Variants in EGFLAM observed in about 807,000 individuals in gnomAD.
EGFLAM encodes pikachurin.
In EGFLAM, 79 loss-of-function variants were observed where a neutral mutation model predicts 113.1. The observed-to-expected ratio is 0.70, with a 90% CI of 0.58 to 0.84. The LOEUF (loss-of-function observed/expected upper bound fraction) is 0.84. Among genes scored for constraint, EGFLAM ranks in the 40% least tolerant of loss-of-function variants. EGFLAM has a pLI of 0.00. For missense variants in EGFLAM, 1,265 were observed against 1,291.6 expected (o/e 0.98, Z 0.32); for synonymous variants, 504 against 487.6 (o/e 1.03, Z -0.44).
chr5:38,344,865 T>C (rs1202427549), intron 3 of EGFLAM, among the ~76,000 whole-genome samples: 4 of 152,182 alleles, frequency 2.6e-5, no homozygotes, highest in Non-Finnish European at 4.4e-5. Context: ...GCCTCAGCAT[T>C]CTCACTCACA....
chr5:38,272,359 C>T (rs9292701), intron 1 of EGFLAM, among the ~76,000 whole-genome samples: 2,923 of 152,286 alleles, frequency 0.019, 98 homozygotes, highest in African/African-American at 0.067. Flanking sequence ...GTCCAACAAT[C>T]CTCCTTCCCC....
intron 1 of EGFLAM, among the ~76,000 whole-genome samples, chr5:38,334,668 T>G (rs575583327): frequency 6.6e-6 from 1 of 152,340 alleles, no homozygotes; most frequent in South Asian, 2.1e-4. Flanking sequence ...TATTTTCTCC[T>G]AGTCTGTGGC....
In EGFLAM at chr5:38,451,335, A is replaced by G. The variant is rs1742905826; in HGVS notation, c.2564A>G (p.Asn855Ser). Residue 855 changes from asparagine (N) to serine (S), a missense_variant, in exon 19 of 22, where the codon AAT (asparagine) becomes AGT (serine). By Grantham distance (46) the Asn-to-Ser change is conservative. Transcript: ENST00000322350. ...TCCAGGGTGTCAGGATCAAGATCAA[A>G]TGTGTTCATGAGGTTTAAAACAACT... ...ILKRVSGSRS[N>S]VFMRFKTTAK... The G allele has an allele frequency of 6.2e-7, 1 of 1,613,992 alleles. No homozygotes were observed. The highest frequency in any genetic ancestry group is 8.5e-7 in the Non-Finnish European group (1 of 1,179,946).
intron 20 of EGFLAM, among the ~76,000 whole-genome samples, chr5:38,460,257 A>G (rs1743227574): frequency 6.6e-6 from 1 of 152,172 alleles, no homozygotes; most frequent in Admixed American, 6.5e-5. Flanking sequence ...TTGTGGAATA[A>G]TTTTTAAGCC....
intron 1 of EGFLAM, among the ~76,000 whole-genome samples, chr5:38,273,811 G>T (rs1321203553): frequency 1.3e-5 from 2 of 152,166 alleles, no homozygotes; most frequent in African/African-American, 4.8e-5. Context: ...TGACCAAAAT[G>T]ATCAAGAACA....
intron 12 of EGFLAM, among the ~76,000 whole-genome samples, chr5:38,420,472 C>G (rs1465398003): frequency 6.6e-6 from 1 of 152,216 alleles, no homozygotes; most frequent in Non-Finnish European, 1.5e-5. Flanking sequence ...ACTCTGAAGG[C>G]AGATTGCCTG....
intron 6 of EGFLAM, among the ~76,000 whole-genome samples, chr5:38,386,998 G>A (rs943970633): frequency 6.6e-6 from 1 of 152,160 alleles, no homozygotes; most frequent in Non-Finnish European, 1.5e-5. Flanking sequence ...CTGGGAGGTA[G>A]CGTGGCCAAG....
At chr5:38,410,559 G>A (rs1561076046) in intron 10 of EGFLAM, among the ~76,000 whole-genome samples, 2 of 152,170 alleles carry the variant, frequency 1.3e-5, no homozygotes, top group African/African-American at 2.4e-5. Flanking sequence ...TGCCGGCTAC[G>A]ACTCCTTCCC....
At chr5:38,406,717 G>A (rs1579882289) in intron 7 of EGFLAM, 111 bp from the exon 8 acceptor site, 2 of 999,622 alleles carry the variant, frequency 2.0e-6, no homozygotes. Flanking sequence ...CTCCATCCTA[G>A]GGTTTTTGGA....
Position 38,438,333 on chromosome 5 carries a change from T to C in EGFLAM, c.2342T>C (p.Val781Ala). Reference protein sequence around the residue: ...VKHDFTSGVNVENAAHPCVRA... With the variant: ...VKHDFTSGVNAENAAHPCVRA... ...CATGACTTCACCTCCGGAGTGAATG[T>C]GGAGAATGCGGCCCACCCCTGTGTG... The change falls in exon 17 of 22, where the codon GTG (valine) becomes GCG (alanine). Residue 781 changes from valine (V) to alanine (A), a missense_variant. Physicochemically the swap from Val to Ala is moderately conservative, Grantham distance 64 (BLOSUM62 0). Transcript: ENST00000322350. 6.2e-7 allele frequency: 1 copy of C among 1,614,134 alleles called. No individual in the cohort carries two copies. Among genetic ancestry groups the C allele is most frequent in the South Asian group, 1.1e-5 (1 of 91,040 alleles).
At chr5:38,414,206 A>C (rs1041475944) in intron 11 of EGFLAM, among the ~76,000 whole-genome samples, 5 of 152,210 alleles carry the variant, frequency 3.3e-5, no homozygotes, top group African/African-American at 1.2e-4. Flanking sequence ...AATTTAGTAA[A>C]TGTGAATCCA....
chr5:38,291,889 A>G (rs1758343617), intron 1 of EGFLAM, among the ~76,000 whole-genome samples: 1 of 152,270 alleles, frequency 6.6e-6, no homozygotes, highest in Non-Finnish European at 1.5e-5. Flanking sequence ...CATGTTTCTG[A>G]AGAATGGCTT....
chr5:38,440,133 A>C (rs1430310395), intron 17 of EGFLAM, among the ~76,000 whole-genome samples: 1 of 152,186 alleles, frequency 6.6e-6, no homozygotes, highest in Non-Finnish European at 1.5e-5. Context: ...TGGATCTGGC[A>C]AGATCTGTGG....
chr5:38,441,857 T>C (rs1742545799), intron 17 of EGFLAM, among the ~76,000 whole-genome samples: 1 of 152,168 alleles, frequency 6.6e-6, no homozygotes, highest in Non-Finnish European at 1.5e-5. Context: ...CCTGTGTTTC[T>C]AGAACAGCTT....
chr5:38,364,045 T>C (rs1024020588), intron 5 of EGFLAM, among the ~76,000 whole-genome samples: 1 of 152,204 alleles, frequency 6.6e-6, no homozygotes, highest in Non-Finnish European at 1.5e-5. Flanking sequence ...CCAACCCTGA[T>C]TTAAGGCATC....
Position 38,427,244 on chromosome 5 carries a change from T to C in EGFLAM, c.2046T>C (p.Gly682=). The change falls in exon 14 of 22, where the codon GGT becomes GGC. Residue 682 remains glycine, a synonymous_variant. Transcript: ENST00000322350. ...EFRFDCGSGT[G]VLRSEDPLTL... The stretch of plus-strand genomic sequence containing the variant: ...GCTTTGACTGTGGCTCTGGGACCGG[T>C]GTCCTCAGGTGAGGGCTGAAAACTT... The C allele has an allele frequency of 1.9e-6, 3 of 1,613,932 alleles. No individual in the cohort carries two copies. The highest frequency in any genetic ancestry group is 2.5e-6 in the Non-Finnish European group (3 of 1,179,904).
rs1742307570 is a variant in EGFLAM at position 38,435,258 on chromosome 5, A to G, written c.2283+5A>G. 1 of 1,608,724 alleles carries G rather than the reference A, an allele frequency of 6.2e-7. No homozygotes were observed. Reference sequence around the variant, plus strand: ...TTCAGCGGGAGCATCCAGAAGGTACAGGCATCTCTTCCTCATGTTTACTGG... The same window carrying G: ...TTCAGCGGGAGCATCCAGAAGGTACGGGCATCTCTTCCTCATGTTTACTGG... On this transcript the variant is annotated splice_donor_5th_base_variant and intron_variant, in intron 16 of 21. Transcript: ENST00000322350.
In EGFLAM at chr5:38,451,302, G is replaced by A. The variant is rs769664130; in HGVS notation, c.2544-13G>A. The A allele has an allele frequency of 1.2e-6, 2 of 1,609,548 alleles. No individual in the cohort carries two copies. The highest frequency in any genetic ancestry group is 1.7e-6 in the Non-Finnish European group (2 of 1,177,252). ...TGGTTGATTTGGTGGACTTATTTGT[G>A]TATTTCCTCCAGGGTGTCAGGATCA... is the stretch of plus-strand genomic sequence containing the variant. On this transcript the variant is annotated splice_polypyrimidine_tract_variant and intron_variant, in intron 18 of 21. Coordinates refer to ENST00000322350, the MANE Select transcript of EGFLAM (RefSeq NM_152403.4).
At chr5:38,308,391 C>T (rs559730588) in intron 1 of EGFLAM, among the ~76,000 whole-genome samples, 12 of 151,244 alleles carry the variant, frequency 7.9e-5, no homozygotes, top group East Asian at 1.9e-4. Flanking sequence ...TGAGACCCTC[C>T]GCATGCTGAA....
Sources: allele counts gnomAD v4.1 joint callset (sites outside exome capture counted in the v4.1 genomes callset), GRCh38; gene constraint gnomAD v4.1.1; transcripts MANE v1.5; gene names NCBI Gene and HGNC (gene_info 2026-07-23, HGNC 2026-07-21).